The following INSC variants were observed in gnomAD, a reference collection of about 807,000 sequenced individuals.
The protein encoded by INSC is INSC spindle orientation adaptor protein.
Under a neutral mutation model 58.6 loss-of-function variants are expected in INSC, and 67 were observed. The observed-to-expected ratio is 1.14, with a 90% CI of 0.94 to 1.40. The LOEUF (loss-of-function observed/expected upper bound fraction) is 1.40. Ranked by LOEUF, INSC falls within the 40% of genes most tolerant of loss-of-function variation. INSC has a pLI of 0.00. For synonymous variants in INSC, 262 were observed against 276.1 expected (o/e 0.95, Z 0.51); for missense variants, 714 against 692.0 (o/e 1.03, Z -0.36).
intron 2 of INSC, among the ~76,000 whole-genome samples, chr11:15,173,174 G>C (rs1045567745): frequency 1.3e-5 from 2 of 152,196 alleles, no homozygotes; most frequent in Middle Eastern, 3.2e-3. Flanking sequence ...ATGGAATAGT[G>C]TTCAAACATT....
At chr11:15,206,576 C>T (rs1261685906) in intron 7 of INSC, among the ~76,000 whole-genome samples, 1 of 152,136 alleles carries the variant, frequency 6.6e-6, no homozygotes, top group African/African-American at 2.4e-5. Context: ...CCACACAGTC[C>T]AGCGAGAGCA....
At chr11:15,157,748 C>T (rs180865257) in intron 2 of INSC, among the ~76,000 whole-genome samples, 53 of 152,244 alleles carry the variant, frequency 3.5e-4, no homozygotes, top group South Asian at 2.5e-3. Flanking sequence ...TATTATGTGG[C>T]GGCACCGTGA....
Position 15,114,931 on chromosome 11 carries a change from C to T in INSC, c.-118C>T. ...GGGCCGGCAGAGCGGCCACTTTGCGCGCGGCCTCTGGAGCTCCAGCTGCGC... is the reference window on the plus strand; with the variant it reads ...GGGCCGGCAGAGCGGCCACTTTGCGTGCGGCCTCTGGAGCTCCAGCTGCGC... On this transcript the variant is annotated 5_prime_UTR_variant, in exon 1 of 13. Transcript: ENST00000379556. 4.1e-6 allele frequency: 4 copies of T among 985,440 alleles called. No individual in the cohort carries two copies. Among genetic ancestry groups the T allele is most frequent in the Non-Finnish European group, 4.8e-6 (4 of 829,948 alleles). 61.0% of individuals were successfully genotyped at this position (985,440 alleles called of 1,614,324 possible).
the INSC span, among the ~76,000 whole-genome samples, chr11:15,263,414 T>A: frequency 6.6e-6 from 1 of 152,048 alleles, no homozygotes; most frequent in Non-Finnish European, 1.5e-5. Context: ...GAAATCCATA[T>A]GTGTAGATAT....
intron 2 of INSC, among the ~76,000 whole-genome samples, chr11:15,164,620 A>G (rs751235001): frequency 6.6e-6 from 1 of 152,164 alleles, no homozygotes; most frequent in Non-Finnish European, 1.5e-5. Flanking sequence ...TTCCCATACT[A>G]TGCTTTCCAG....
chr11:15,218,004 C>G (rs952032080), intron 7 of INSC, among the ~76,000 whole-genome samples: 1 of 152,158 alleles, frequency 6.6e-6, no homozygotes, highest in African/African-American at 2.4e-5. Context: ...TGCGGAAACA[C>G]TTTGCCCTAG....
intron 2 of INSC, among the ~76,000 whole-genome samples, chr11:15,173,833 G>A (rs112049219): frequency 5.3e-5 from 8 of 152,122 alleles, no homozygotes; most frequent in African/African-American, 1.4e-4. Flanking sequence ...AAAGCCTACA[G>A]TCAAATGGTT....
intron 1 of INSC, among the ~76,000 whole-genome samples, chr11:15,119,261 C>G (rs1847809315): frequency 6.6e-6 from 1 of 152,196 alleles, no homozygotes; most frequent in South Asian, 2.1e-4. Flanking sequence ...GGAAAGGCCT[C>G]CTGGGTTGTG....
chr11:15,258,749 G>A, the INSC span, among the ~76,000 whole-genome samples: 5 of 152,150 alleles, frequency 3.3e-5, no homozygotes, highest in Non-Finnish European at 7.3e-5. Context: ...GACCTGGGGC[G>A]GGTGTGTCAG....
chr11:15,207,536 A>G (rs1850853103), intron 7 of INSC, among the ~76,000 whole-genome samples: 1 of 152,038 alleles, frequency 6.6e-6, no homozygotes. Flanking sequence ...CTTGGAATCA[A>G]TAGGCCCTGA....
intron 1 of INSC, among the ~76,000 whole-genome samples, chr11:15,133,795 G>A (rs1220333016): frequency 6.6e-6 from 1 of 152,118 alleles, no homozygotes. Context: ...GGCCTCTCCA[G>A]ATTTCTTACA....
At chr11:15,113,592 A>G (rs1354832226), upstream of INSC, among the ~76,000 whole-genome samples, 1 of 152,186 alleles carries the variant, frequency 6.6e-6, no homozygotes, top group East Asian at 1.9e-4. Context: ...CCAGCCCTAG[A>G]CAGCACTTGT....
At chr11:15,231,781 A>C (rs1399917782) in intron 9 of INSC, among the ~76,000 whole-genome samples, 1 of 152,188 alleles carries the variant, frequency 6.6e-6, no homozygotes, top group Non-Finnish European at 1.5e-5. Flanking sequence ...ACCTGTCTCT[A>C]CTTGGGTGTC....
chr11:15,115,604 G>A (rs1325876099), intron 1 of INSC, among the ~76,000 whole-genome samples: 4 of 152,152 alleles, frequency 2.6e-5, no homozygotes, highest in African/African-American at 9.7e-5. Context: ...GCTAGACCAG[G>A]GTCAGGGAGA....
At chr11:15,263,713 T>G in the INSC span, among the ~76,000 whole-genome samples, 17 of 152,280 alleles carry the variant, frequency 1.1e-4, no homozygotes, top group Non-Finnish European at 2.5e-4. Context: ...TGCTCTGAGT[T>G]TCACAAAGCT....
At chr11:15,176,145 A>G in intron 3 of INSC, 59 bp downstream of exon 3, 3 of 1,368,352 alleles carry the variant, frequency 2.2e-6, no homozygotes. Flanking sequence ...TTTAGAGAAG[A>G]GTGGGTTTGA....
At chr11:15,155,074 C>A (rs1251602367) in intron 2 of INSC, among the ~76,000 whole-genome samples, 1 of 152,062 alleles carries the variant, frequency 6.6e-6, no homozygotes, top group Non-Finnish European at 1.5e-5. Flanking sequence ...GGGTGCCCTG[C>A]CTTGATGGAA....
the INSC span, among the ~76,000 whole-genome samples, chr11:15,257,748 C>T: frequency 0.74 from 112,253 of 152,002 alleles, 41,641 homozygotes; most frequent in Middle Eastern, 0.8. Flanking sequence ...GGAGTTATGC[C>T]GCCCGGAGTC....
chr11:15,229,906 T>TA (rs1257759624), intron 9 of INSC, among the ~76,000 whole-genome samples: 1 of 122,528 alleles, frequency 8.2e-6, no homozygotes, highest in Admixed American at 9.8e-5. Context: ...AAAAACATTT[T>TA]TATATATATA....
Sources: gnomAD v4.1 joint callset for allele counts (sites outside exome capture counted in the v4.1 genomes callset) on GRCh38, gnomAD v4.1.1 for gene constraint, MANE v1.5 for transcripts, NCBI Gene and HGNC (gene_info 2026-07-23, HGNC 2026-07-21) for gene names.